Variants in SAV1 observed in about 807,000 individuals in gnomAD.
SAV1 encodes the protein protein salvador homolog 1.
A neutral mutation model predicts 47.3 loss-of-function variants in SAV1; 23 were observed. The ratio of observed to expected loss-of-function variants is 0.49; its 90% CI spans 0.35 to 0.69. SAV1 has a LOEUF of 0.69. Ranked by LOEUF, SAV1 falls within the 30% of genes least tolerant of loss-of-function variation. The pLI is 0.01. For synonymous variants in SAV1, 155 were observed against 159.2 expected, an observed-to-expected ratio of 0.97 and a Z score of 0.20; for missense variants, 448 against 457.4, an observed-to-expected ratio of 0.98 and a Z score of 0.19.
In SAV1 at chr14:50,662,134, T is replaced by A. The variant is rs1051940332; in HGVS notation, c.535+3045A>T. ...CCATTTGTTTTTGTGCTCTTCAATT[T>A]CTTTCATCAGTGTTTTGAAATCTTG... is the stretch of plus-strand genomic sequence containing the variant. On this transcript the variant is annotated intron_variant, in intron 2 of 4. Transcript: ENST00000324679. Among the ~76,000 whole-genome samples, 5 of 151,690 alleles carry A rather than the reference T, an allele frequency of 3.3e-5. No individual in the cohort carries two copies. The East Asian group carries it at 7.8e-4, about 24-fold the overall frequency.
At chr14:50,662,922 A>C (rs957218399) in intron 2 of SAV1, 1 of 152,240 alleles carries the variant, frequency 6.6e-6, no homozygotes, top group Non-Finnish European at 1.5e-5. Context: ...TTTTGTGAGC[A>C]TCTCTTAGGC....
In SAV1 at chr14:50,668,079, A is replaced by T. The variant is rs1359363547; in HGVS notation, c.-112T>A. On this transcript the variant is annotated 5_prime_UTR_variant, in exon 1 of 5. Transcript: ENST00000324679. Reference sequence around the variant, plus strand: ...GGCGCCGCCGCCTCCTTCCCTCCCGAGCCGCCGCCTCCGCCGCCGCCTGTC... The same window carrying T: ...GGCGCCGCCGCCTCCTTCCCTCCCGTGCCGCCGCCTCCGCCGCCGCCTGTC... 1.6e-6 allele frequency: 1 copy of T among 634,934 alleles called. No homozygotes were observed. Among genetic ancestry groups the T allele is most frequent in the Non-Finnish European group, 2.2e-6 (1 of 444,716 alleles). 39.3% of individuals were successfully genotyped at this position (634,934 alleles called of 1,614,324 possible).
chr14:50,667,455 A>G lies in SAV1; in HGVS notation c.94+419T>C, dbSNP rs944866479. On this transcript the variant is annotated intron_variant, in intron 1 of 4. Transcript: ENST00000324679. ...GTTCGCACAACTTGCAGCACAGTCG[A>G]GAGACACCCGCAATGTTTGCAAACA... 6.6e-6 allele frequency: 3 copies of G among 456,798 alleles called. No individual in the cohort carries two copies. In the Admixed American group the frequency reaches 7.0e-5, roughly 11 times the overall value. 28.3% of individuals were successfully genotyped at this position (456,798 alleles called of 1,614,324 possible).
intron 2 of SAV1, chr14:50,664,429 A>T (rs879694868): frequency 5.3e-5 from 8 of 152,200 alleles, no homozygotes; most frequent in Non-Finnish European, 7.4e-5. Flanking sequence ...ATCAGACAAG[A>T]AAGTTTAATT....
chr14:50,667,976 A>C lies in SAV1; in HGVS notation c.-9T>G, dbSNP rs202043878. The C allele has an allele frequency of 2.6e-5, 41 of 1,607,308 alleles. No individual in the cohort carries two copies. In the African/African-American group the frequency reaches 4.7e-4, roughly 18 times the overall value. On this transcript the variant is annotated 5_prime_UTR_variant, in exon 1 of 5. Coordinates refer to ENST00000324679, the MANE Select transcript of SAV1 (RefSeq NM_021818.4). ...TTCTTTCGGGACAGCATCCTTCTCG[A>C]CGAGGCCCGAGGCCGCGCTGAACTG...
At chr14:50,666,757 ATG>A (rs1339344773) in intron 1 of SAV1, among the ~76,000 whole-genome samples, 1 of 151,618 alleles carries the variant, frequency 6.6e-6, no homozygotes, top group Non-Finnish European at 1.5e-5. Flanking sequence ...ACCTAACTGC[ATG>A]TGTGACTGAA....
chr14:50,639,911 A>G (rs1038561562), intron 4 of SAV1, among the ~76,000 whole-genome samples: 2 of 152,340 alleles, frequency 1.3e-5, no homozygotes, highest in African/African-American at 4.8e-5. Flanking sequence ...GCTGTAGGTC[A>G]GGTGGTATCA....
At chr14:50,648,556 G>T (rs1221085060) in intron 2 of SAV1, among the ~76,000 whole-genome samples, 2 of 152,176 alleles carry the variant, frequency 1.3e-5, no homozygotes, top group Admixed American at 1.3e-4. Context: ...GAGGCGGGCA[G>T]ATCATGAGGT....
intron 2 of SAV1, among the ~76,000 whole-genome samples, chr14:50,657,267 T>G (rs569899064): frequency 6.6e-6 from 1 of 152,138 alleles, no homozygotes; most frequent in Non-Finnish European, 1.5e-5. Flanking sequence ...ACTCCTGACC[T>G]TGTGATCCAC....
intron 3 of SAV1, among the ~76,000 whole-genome samples, chr14:50,643,631 T>C (rs2039698468): frequency 6.6e-6 from 1 of 152,228 alleles, no homozygotes; most frequent in Non-Finnish European, 1.5e-5. Flanking sequence ...CAAATCTGGT[T>C]ATCTGGACTG....
intron 2 of SAV1, among the ~76,000 whole-genome samples, chr14:50,650,042 C>A (rs1161599590): frequency 2.6e-5 from 4 of 152,088 alleles, no homozygotes; most frequent in African/African-American, 9.7e-5. Flanking sequence ...ATGAAACAGA[C>A]CCCAGTGACA....
chr14:50,640,731 G>T lies in SAV1; in HGVS notation c.950+19C>A, dbSNP rs138864020. ...CTTCACTCACTCCTCAAACAAATTTGTGTTGTAAATGTACTTACTTCACAG... is the reference window on the plus strand; with the variant it reads ...CTTCACTCACTCCTCAAACAAATTTTTGTTGTAAATGTACTTACTTCACAG... On this transcript the variant is annotated intron_variant, in intron 4 of 4. Transcript: ENST00000324679. 203 of 1,602,298 alleles carry T rather than the reference G, an allele frequency of 1.3e-4. No individual in the cohort carries two copies. The East Asian group carries it at 4.4e-3, about 35-fold the overall frequency.
intron 1 of SAV1, chr14:50,667,612 T>C (rs1012063042): frequency 1.2e-5 from 6 of 480,710 alleles, no homozygotes; most frequent in Non-Finnish European, 2.2e-5. Flanking sequence ...CCAACAACTC[T>C]GCCTGGTGGG....
At chr14:50,647,876 A>T (rs1342189140) in intron 2 of SAV1, among the ~76,000 whole-genome samples, 1 of 152,246 alleles carries the variant, frequency 6.6e-6, no homozygotes, top group African/African-American at 2.4e-5. Flanking sequence ...TCTGGAGAAC[A>T]GCTTAGCAAT....
chr14:50,639,729 A>T (rs2039666406), intron 4 of SAV1, among the ~76,000 whole-genome samples: 1 of 152,220 alleles, frequency 6.6e-6, no homozygotes, highest in African/African-American at 2.4e-5. Flanking sequence ...TTTCTTATTA[A>T]ACATGACTAT....
At chr14:50,645,205 G>A (rs1403880243) in intron 2 of SAV1, among the ~76,000 whole-genome samples, 191 bp from the exon 3 acceptor site, 2 of 152,066 alleles carry the variant, frequency 1.3e-5, no homozygotes, top group South Asian at 2.1e-4. Flanking sequence ...AAAGGGGGAG[G>A]AACTAGACTT....
At chr14:50,642,090 A>C (rs2039684742) in intron 3 of SAV1, among the ~76,000 whole-genome samples, 1 of 152,176 alleles carries the variant, frequency 6.6e-6, no homozygotes, top group Non-Finnish European at 1.5e-5. Context: ...CCATTATCCT[A>C]AGTGAATTAA....
At position 50,652,181 on chromosome 14, in the gene SAV1, A is replaced by G. The variant is rs1032743482; in HGVS notation, c.536-7167T>C. ...CAATGTGAATGTACTTACTGCCAAC[A>G]AACTGTACACTTAAAAATGGTTAAG... is the stretch of plus-strand genomic sequence containing the variant. On this transcript the variant is annotated intron_variant, in intron 2 of 4. Transcript: ENST00000324679. Among the ~76,000 whole-genome samples, 146 of 152,218 alleles carry G rather than the reference A, an allele frequency of 9.6e-4. 7 individuals are homozygous for G. The highest frequency in any genetic ancestry group is 2.8e-4 in the Non-Finnish European group (19 of 68,030).
intron 1 of SAV1, 82 bp downstream of exon 1, chr14:50,667,792 A>G: frequency 9.4e-7 from 1 of 1,064,842 alleles, no homozygotes; most frequent in Admixed American, 2.1e-5. Context: ...GAAGCCCTGG[A>G]GACCCGCCGG....
Sources: allele counts gnomAD v4.1 joint callset (sites outside exome capture counted in the v4.1 genomes callset), GRCh38; gene constraint gnomAD v4.1.1; transcripts MANE v1.5; gene names NCBI Gene and HGNC (gene_info 2026-07-23, HGNC 2026-07-21).